VTA1: variants seen among roughly 807,000 people sequenced by gnomAD.
The protein encoded by VTA1 is vesicle trafficking 1.
Under a neutral mutation model 36.9 loss-of-function variants are expected in VTA1, and 24 were observed. The ratio of observed to expected loss-of-function variants is 0.65; its 90% CI spans 0.47 to 0.91. VTA1 has a LOEUF of 0.91. Among genes scored for constraint, VTA1 ranks in the 40% least tolerant of loss-of-function variants. VTA1 has a pLI of 0.00. For missense variants in VTA1, 393 were observed against 377.2 expected (o/e 1.04, Z -0.35); for synonymous variants, 142 against 130.2 (o/e 1.09, Z -0.62).
chr6:142,171,808 A>G (rs1211981902), intron 4 of VTA1, among the ~76,000 whole-genome samples: 1 of 152,180 alleles, frequency 6.6e-6, no homozygotes, highest in Non-Finnish European at 1.5e-5. Flanking sequence ...CAAAATGATG[A>G]GTAGCTCTTA....
At chr6:142,158,003 C>T (rs1778696593) in intron 1 of VTA1, among the ~76,000 whole-genome samples, 1 of 146,956 alleles carries the variant, frequency 6.8e-6, no homozygotes. Flanking sequence ...GTAATAGTAC[C>T]CCCAGACATT....
At chr6:142,209,472 C>T (rs1459190427) in intron 7 of VTA1, among the ~76,000 whole-genome samples, 3 of 146,566 alleles carry the variant, frequency 2.0e-5, no homozygotes, top group Middle Eastern at 3.5e-3. Flanking sequence ...ATATAAAATA[C>T]CTGGGAATCG....
intron 1 of VTA1, among the ~76,000 whole-genome samples, chr6:142,158,412 C>T (rs1466316708): frequency 6.6e-6 from 1 of 152,066 alleles, no homozygotes; most frequent in Non-Finnish European, 1.5e-5. Context: ...ATAAGATCAA[C>T]TTCACAAAAT....
intron 7 of VTA1, among the ~76,000 whole-genome samples, chr6:142,204,330 A>G (rs974588605): frequency 1.3e-5 from 2 of 152,204 alleles, no homozygotes; most frequent in Non-Finnish European, 2.9e-5. Flanking sequence ...ATTGAAGAAC[A>G]AACATGGAGC....
rs1161677398 is a variant in VTA1, at chr6:142,153,661, A to G, written c.112+6262A>G. ...AATGAATGTTGAAATAATGTATATCAAATTACTTTTGGCCGTCTATGGAAA... is the reference window on the plus strand; with the variant it reads ...AATGAATGTTGAAATAATGTATATCGAATTACTTTTGGCCGTCTATGGAAA... On this transcript the variant is annotated intron_variant, in intron 1 of 7. Coordinates refer to ENST00000367630, the MANE Select transcript of VTA1 (RefSeq NM_016485.5). Among the ~76,000 whole-genome samples the G allele has an allele frequency of 2.0e-5, 3 of 152,044 alleles. No individual in the cohort carries two copies. In the East Asian group the frequency reaches 5.8e-4, roughly 29 times the overall value.
At chr6:142,201,028 G>A (rs1383765861) in intron 6 of VTA1, among the ~76,000 whole-genome samples, 4 of 151,826 alleles carry the variant, frequency 2.6e-5, no homozygotes, top group South Asian at 2.1e-4. Context: ...TTGAATCCAC[G>A]TTTTTTTGAC....
chr6:142,189,511 C>G lies in VTA1; in HGVS notation c.497C>G (p.Pro166Arg), dbSNP rs1362463298. The change falls in exon 5 of 8, where the codon CCT (proline) becomes CGT (arginine). Residue 166 changes from proline to arginine, a missense_variant. Physicochemically the swap from Pro to Arg is moderately radical, Grantham distance 103. Transcript: ENST00000367630. ...AATGGGGAGACTCCTCAAGCAGGCCCTGTTGGAATTGAAGAAGATAATGGT... is the reference window on the plus strand; with the variant it reads ...AATGGGGAGACTCCTCAAGCAGGCCGTGTTGGAATTGAAGAAGATAATGGT... ...LKNGETPQAG[P>R]VGIEEDNDIE... 1.2e-6 allele frequency: 2 copies of G among 1,612,124 alleles called. No homozygotes were observed. Among genetic ancestry groups the G allele is most frequent in the Admixed American group, 1.7e-5 (1 of 59,814 alleles).
chr6:142,171,154 GCA>G (rs1775023021), intron 4 of VTA1, among the ~76,000 whole-genome samples: 1 of 152,066 alleles, frequency 6.6e-6, no homozygotes, highest in Non-Finnish European at 1.5e-5. Flanking sequence ...GAGTGCAATG[GCA>G]CAGTCTTGGT....
chr6:142,158,075 GC>G (rs1778698293), intron 1 of VTA1, among the ~76,000 whole-genome samples: 1 of 148,448 alleles, frequency 6.7e-6, no homozygotes, highest in Admixed American at 6.7e-5. Context: ...CCCCCGAGAG[GC>G]AGTATAATTG....
At position 142,170,336 on chromosome 6, in the gene VTA1, T is replaced by C; in HGVS notation, c.336-10T>C. ...ATATTTAAACTAGACCGCTCTCTTT[T>C]CTCTTCCAGAAACATGATCAAGTCC... is the stretch of plus-strand genomic sequence containing the variant. On this transcript the variant is annotated splice_polypyrimidine_tract_variant and intron_variant, in intron 3 of 7. Coordinates refer to ENST00000367630, the MANE Select transcript of VTA1 (RefSeq NM_016485.5). 4.4e-6 allele frequency: 7 copies of C among 1,598,378 alleles called. No homozygotes were observed. The highest frequency in any genetic ancestry group is 6.0e-6 in the Non-Finnish European group (7 of 1,170,114).
chr6:142,216,023 G>A (rs766021527), intron 7 of VTA1, among the ~76,000 whole-genome samples: 10 of 152,070 alleles, frequency 6.6e-5, no homozygotes, highest in Non-Finnish European at 4.4e-5. Flanking sequence ...TAAGATTTCA[G>A]AAGAGAGATA....
At chr6:142,165,980 CTT>C (rs763634462) in intron 1 of VTA1, among the ~76,000 whole-genome samples, 90 of 133,310 alleles carry the variant, frequency 6.8e-4, no homozygotes, top group African/African-American at 1.4e-3. Flanking sequence ...ACCTAGTCCT[CTT>C]TTTTTTTTTT....
At chr6:142,202,357 C>A (rs78817224) in intron 6 of VTA1, among the ~76,000 whole-genome samples, 10,039 of 151,840 alleles carry the variant, frequency 0.066, 495 homozygotes, top group Admixed American at 0.15. Flanking sequence ...TAAATATATT[C>A]ATATACACAG....
chr6:142,183,172 A>G (rs1775275421), intron 4 of VTA1, among the ~76,000 whole-genome samples: 1 of 152,216 alleles, frequency 6.6e-6, no homozygotes, highest in African/African-American at 2.4e-5. Flanking sequence ...CCTAATAGCA[A>G]TATAGAAGTA....
At position 142,223,511 on chromosome 6, in the gene VTA1, T is replaced by A. The variant is rs1207740917; in HGVS notation, c.*4868T>A. 3 of 152,192 alleles carry A rather than the reference T, an allele frequency of 2.0e-5. No individual in the cohort carries two copies. Among genetic ancestry groups the A allele is most frequent in the Non-Finnish European group, 4.4e-5 (3 of 68,048 alleles). The allele number at this position is 152,192 out of a possible 1,614,324, so 9.4% of individuals were successfully genotyped here. Reference sequence around the variant, plus strand: ...GTTTATTATTAGATACTTCCTCAATTAAATTTCTCCCTGAAAGTCTTAGGC... The same window carrying A: ...GTTTATTATTAGATACTTCCTCAATAAAATTTCTCCCTGAAAGTCTTAGGC... On this transcript the variant is annotated 3_prime_UTR_variant, in exon 8 of 8. Coordinates refer to ENST00000367630, the MANE Select transcript of VTA1 (RefSeq NM_016485.5).
At chr6:142,208,071 A>G (rs1775828942) in intron 7 of VTA1, among the ~76,000 whole-genome samples, 1 of 141,544 alleles carries the variant, frequency 7.1e-6, no homozygotes, top group South Asian at 2.4e-4. Flanking sequence ...CCTGGGTGAC[A>G]GTGAGACTTC....
chr6:142,169,857 T>G (rs1187392144), intron 3 of VTA1, among the ~76,000 whole-genome samples, 180 bp downstream of exon 3: 2 of 152,018 alleles, frequency 1.3e-5, no homozygotes, highest in African/African-American at 4.8e-5. Flanking sequence ...TATAAGAAAA[T>G]GGCTGAAAGA....
chr6:142,205,561 C>T (rs564152855), intron 7 of VTA1, among the ~76,000 whole-genome samples: 1 of 152,106 alleles, frequency 6.6e-6, no homozygotes, highest in East Asian at 1.9e-4. Flanking sequence ...GGGTGGTAAT[C>T]AAGCAAAATA....
intron 6 of VTA1, 77 bp from the exon 7 acceptor site, chr6:142,203,908 G>T: frequency 8.3e-7 from 1 of 1,199,392 alleles, no homozygotes; most frequent in Non-Finnish European, 1.2e-6. Flanking sequence ...ATTGCCTCAT[G>T]ATTTTTAAGT....
Sources: gnomAD v4.1 joint callset for allele counts (sites outside exome capture counted in the v4.1 genomes callset) on GRCh38, gnomAD v4.1.1 for gene constraint, MANE v1.5 for transcripts, NCBI Gene and HGNC (gene_info 2026-07-23, HGNC 2026-07-21) for gene names.